The following ZC3H18 variants were observed in gnomAD, a reference collection of about 807,000 sequenced individuals.
ZC3H18 encodes the protein zinc finger CCCH domain-containing protein 18.
Under a neutral mutation model 106.1 loss-of-function variants are expected in ZC3H18, and 8 were observed. That is an observed-to-expected ratio of 0.08 (90% CI 0.04 to 0.14). ZC3H18 has a LOEUF of 0.14. Among genes scored for constraint, ZC3H18 ranks in the 10% least tolerant of loss-of-function variants. ZC3H18 has a pLI of 1.00. For missense variants in ZC3H18, 1,318 were observed against 1,278.4 expected (o/e 1.03, Z -0.47); for synonymous variants, 635 against 522.1 (o/e 1.22, Z -2.95).
chr16:88,616,578 T>C (rs1394269215), intron 8 of ZC3H18, among the ~76,000 whole-genome samples: 1 of 152,224 alleles, frequency 6.6e-6, no homozygotes, highest in African/African-American at 2.4e-5. Flanking sequence ...TTCCAGCCAG[T>C]GCTCCTGCTT....
chr16:88,623,799 T>C, intron 10 of ZC3H18, 159 bp from the exon 11 acceptor site: 2 of 1,348,210 alleles, frequency 1.5e-6, no homozygotes, highest in Non-Finnish European at 2.0e-6. Flanking sequence ...GGCCTGTGTT[T>C]TTAGCAGATG....
intron 9 of ZC3H18, chr16:88,622,686 G>A (rs532712389): frequency 1.4e-4 from 57 of 398,430 alleles, no homozygotes; most frequent in Admixed American, 5.5e-4. Flanking sequence ...GCGGGAGGAC[G>A]CACAGACCTG....
chr16:88,578,590 G>C (rs375983463), intron 2 of ZC3H18, among the ~76,000 whole-genome samples: 1 of 152,002 alleles, frequency 6.6e-6, no homozygotes, highest in Admixed American at 6.6e-5. Flanking sequence ...GAGTCATTGC[G>C]GTGAAGAGTG....
At chr16:88,603,898 G>T (rs1189974055) in intron 6 of ZC3H18, among the ~76,000 whole-genome samples, 4 of 151,248 alleles carry the variant, frequency 2.6e-5, no homozygotes, top group Non-Finnish European at 5.9e-5. Context: ...CTCCCAAAGT[G>T]CTGGGATTAC....
intron 3 of ZC3H18, among the ~76,000 whole-genome samples, chr16:88,595,296 C>T (rs929245547): frequency 6.1e-5 from 9 of 147,220 alleles, no homozygotes; most frequent in African/African-American, 1.9e-4. Flanking sequence ...CCCGCTCCAG[C>T]GGCCTCTGTC....
Sources: gnomAD v4.1 joint callset for allele counts (sites outside exome capture counted in the v4.1 genomes callset) on GRCh38, gnomAD v4.1.1 for gene constraint, MANE v1.5 for transcripts, NCBI Gene and HGNC (gene_info 2026-07-23, HGNC 2026-07-21) for gene names.